Variants in CPXM2 observed in about 807,000 individuals in gnomAD.
The protein encoded by CPXM2 is inactive carboxypeptidase-like protein X2.
Under a neutral mutation model 86.1 loss-of-function variants are expected in CPXM2, and 66 were observed. The observed-to-expected ratio is 0.77, with a 90% CI of 0.63 to 0.94. The LOEUF (loss-of-function observed/expected upper bound fraction) is 0.94, where lower values mean the gene tolerates loss of function less well. CPXM2 is among the 40% of genes least tolerant of loss of function. The pLI, the probability that CPXM2 is intolerant of heterozygous loss-of-function variation, is 0.00. For synonymous variants in CPXM2, 388 were observed against 400.2 expected, an observed-to-expected ratio of 0.97 and a Z score of 0.36; for missense variants, 948 against 1,026.3, an observed-to-expected ratio of 0.92 and a Z score of 1.04.
chr10:123,941,042 G>C (rs1332810001), upstream of CPXM2, among the ~76,000 whole-genome samples: 4 of 152,188 alleles, frequency 2.6e-5, no homozygotes, highest in Non-Finnish European at 4.4e-5. Context: ...GTGCTGGTGG[G>C]TGCCTGTAGT....
At chr10:123,758,747 G>C (rs1388020814) in intron 11 of CPXM2, among the ~76,000 whole-genome samples, 1 of 152,166 alleles carries the variant, frequency 6.6e-6, no homozygotes, top group Non-Finnish European at 1.5e-5. Context: ...TGATTAGCAA[G>C]CTGCACTCTG....
chr10:123,921,289 T>A (rs186918206), intron 2 of CPXM2, among the ~76,000 whole-genome samples: 3,224 of 141,754 alleles, frequency 0.023, 80 homozygotes, highest in East Asian at 0.1. Context: ...AATTTTTTTT[T>A]AAAAAAAGCA....
chr10:123,934,984 C>T (rs1945701777), intron 2 of CPXM2, among the ~76,000 whole-genome samples: 1 of 152,168 alleles, frequency 6.6e-6, no homozygotes, highest in East Asian at 1.9e-4. Context: ...TGGGTACGAC[C>T]TAGCCAGGAA....
intron 2 of CPXM2, among the ~76,000 whole-genome samples, chr10:123,867,769 G>C (rs113660858): frequency 6.6e-6 from 1 of 152,096 alleles, no homozygotes; most frequent in African/African-American, 2.4e-5. Context: ...CTGACCTCAG[G>C]TGATCTGCCC....
At chr10:123,852,545 T>C (rs540156470) in intron 3 of CPXM2, among the ~76,000 whole-genome samples, 16 of 152,338 alleles carry the variant, frequency 1.1e-4, no homozygotes, top group Admixed American at 6.5e-4. Flanking sequence ...GTTGATCCGT[T>C]TCACATGTAA....
intron 4 of CPXM2, among the ~76,000 whole-genome samples, chr10:123,830,323 G>A (rs557655666): frequency 2.5e-4 from 38 of 152,262 alleles, no homozygotes; most frequent in African/African-American, 9.1e-4. Flanking sequence ...TACCATGCTG[G>A]AGTTTCACAG....
At chr10:123,769,240 G>T (rs1334070511) in intron 8 of CPXM2, among the ~76,000 whole-genome samples, 2 of 152,100 alleles carry the variant, frequency 1.3e-5, no homozygotes, top group Non-Finnish European at 2.9e-5. Flanking sequence ...ATGGTTTAAT[G>T]TATGTGTCCC....
At chr10:123,786,616 G>A (rs965056105) in intron 6 of CPXM2, among the ~76,000 whole-genome samples, 1 of 152,164 alleles carries the variant, frequency 6.6e-6, no homozygotes, top group Non-Finnish European at 1.5e-5. Context: ...AGAGAAATTT[G>A]GAAGCTGAGT....
rs534807661 is a variant in CPXM2, at chr10:123,906,217, A to C, written n.175-25908T>G. On this transcript the variant is annotated intron_variant and non_coding_transcript_variant, in intron 2 of 19. Transcript: ENST00000368854. ...CCGAAGGGCAACATGGGCACACTAC[A>C]GGCTAACCTCGTTCTTTAACCTTAC... Among the ~76,000 whole-genome samples, 4 of 152,356 alleles carry C rather than the reference A, an allele frequency of 2.6e-5. No homozygotes were observed. In the East Asian group the frequency reaches 5.8e-4, roughly 22 times the overall value.
chr10:123,827,990 C>T (rs1564787692), intron 4 of CPXM2, among the ~76,000 whole-genome samples: 1 of 151,768 alleles, frequency 6.6e-6, no homozygotes, highest in Non-Finnish European at 1.5e-5. Context: ...ATAGTGAGAC[C>T]CTGTCTCTAC....
chr10:123,913,516 T>A (rs534115003), intron 2 of CPXM2: 1 of 164,512 alleles, frequency 6.1e-6, no homozygotes, highest in African/African-American at 2.4e-5. Flanking sequence ...AATATACGCA[T>A]GTATTCCGCA....
intron 3 of CPXM2, among the ~76,000 whole-genome samples, chr10:123,845,766 T>C (rs1816086849): frequency 6.6e-6 from 1 of 152,178 alleles, no homozygotes; most frequent in Non-Finnish European, 1.5e-5. Context: ...GAATATCATT[T>C]TGAAACTTCA....
intron 4 of CPXM2, among the ~76,000 whole-genome samples, chr10:123,830,233 C>A (rs193004175): frequency 6.4e-4 from 97 of 152,254 alleles, no homozygotes; most frequent in Admixed American, 3.9e-3. Context: ...TGGGGAAATA[C>A]GAGTAGCTCA....
intron 2 of CPXM2, among the ~76,000 whole-genome samples, chr10:123,935,690 A>T (rs1182212732): frequency 1.3e-5 from 2 of 152,178 alleles, no homozygotes; most frequent in Admixed American, 1.3e-4. Flanking sequence ...CCAGACAAGG[A>T]TGCAGTCAGG....
At chr10:123,843,785 G>C (rs1397630284) in intron 3 of CPXM2, among the ~76,000 whole-genome samples, 1 of 152,088 alleles carries the variant, frequency 6.6e-6, no homozygotes, top group Non-Finnish European at 1.5e-5. Context: ...CGTTCTATCA[G>C]GACAAAACCA....
intron 4 of CPXM2, among the ~76,000 whole-genome samples, chr10:123,827,296 C>T (rs1173743774): frequency 6.6e-6 from 1 of 152,114 alleles, no homozygotes; most frequent in Admixed American, 6.5e-5. Flanking sequence ...CTCCTGAAAC[C>T]ATGCCTAAAT....
intron 2 of CPXM2, among the ~76,000 whole-genome samples, chr10:123,932,438 G>A (rs1011721691): frequency 6.6e-6 from 1 of 152,184 alleles, no homozygotes; most frequent in East Asian, 1.9e-4. Flanking sequence ...TTCCCACTTT[G>A]TTCCTTGGGT....
intron 3 of CPXM2, among the ~76,000 whole-genome samples, chr10:123,852,696 A>G (rs1848628825): frequency 6.6e-6 from 1 of 151,492 alleles, no homozygotes; most frequent in Admixed American, 6.6e-5. Flanking sequence ...GCTCACTCCA[A>G]CCTCCTGCTG....
intron 3 of CPXM2, among the ~76,000 whole-genome samples, chr10:123,849,890 T>C (rs1356099021): frequency 1.3e-5 from 2 of 152,200 alleles, no homozygotes; most frequent in African/African-American, 4.8e-5. Flanking sequence ...CAGACCAAGA[T>C]GTAGACCATG....
Sources: gnomAD v4.1 joint callset for allele counts (sites outside exome capture counted in the v4.1 genomes callset) on GRCh38, gnomAD v4.1.1 for gene constraint, MANE v1.5 for transcripts, NCBI Gene and HGNC (gene_info 2026-07-23, HGNC 2026-07-21) for gene names.